FBLN7: variants seen among roughly 807,000 people sequenced by gnomAD.
FBLN7 encodes fibulin-7.
A neutral mutation model predicts 44.0 loss-of-function variants in FBLN7; 31 were observed. The ratio of observed to expected loss-of-function variants is 0.70; its 90% CI spans 0.53 to 0.95. FBLN7 has a LOEUF of 0.95. Among genes scored for constraint, FBLN7 ranks in the 40% least tolerant of loss-of-function variants. The probability of loss-of-function intolerance (pLI) is 0.00; values close to 1 mark genes in which losing one functional copy is unlikely to be tolerated. For synonymous variants in FBLN7, 262 were observed against 253.4 expected (o/e 1.03, Z -0.32); for missense variants, 573 against 618.5 (o/e 0.93, Z 0.78).
At chr2:112,226,458 G>A in the FBLN7 span, among the ~76,000 whole-genome samples, 1 of 151,606 alleles carries the variant, frequency 6.6e-6, no homozygotes, top group Non-Finnish European at 1.5e-5. Flanking sequence ...GTGAGGTGGC[G>A]GGTGCCTGTA....
the FBLN7 span, among the ~76,000 whole-genome samples, chr2:112,208,825 CCT>C: frequency 6.6e-6 from 1 of 152,138 alleles, no homozygotes; most frequent in Non-Finnish European, 1.5e-5. Context: ...ACTTCAAGTT[CCT>C]CTGACATTTG....
chr2:112,199,587 A>G, the FBLN7 span, among the ~76,000 whole-genome samples: 1 of 152,164 alleles, frequency 6.6e-6, no homozygotes, highest in African/African-American at 2.4e-5. Flanking sequence ...GGATCATCCT[A>G]TGACTTTCTC....
chr2:112,182,709 T>C (rs1352847555), intron 5 of FBLN7, 82 bp from the exon 6 acceptor site: 1 of 1,488,532 alleles, frequency 6.7e-7, no homozygotes, highest in Non-Finnish European at 8.9e-7. Flanking sequence ...CCTCCAGGAA[T>C]TGAAGCATGA....
the FBLN7 span, chr2:112,230,907 T>G: frequency 7.8e-7 from 1 of 1,288,358 alleles, no homozygotes; most frequent in East Asian, 3.7e-5. Context: ...TTTTACCTTT[T>G]TATGTCTATT....
chr2:112,191,586 T>C (rs1023074590), downstream of FBLN7, among the ~76,000 whole-genome samples: 4 of 152,184 alleles, frequency 2.6e-5, no homozygotes, highest in African/African-American at 4.8e-5. Flanking sequence ...AAAAAATTCT[T>C]ATAAGAACAA....
chr2:112,157,702 C>A (rs1382567390), intron 1 of FBLN7, among the ~76,000 whole-genome samples: 1 of 152,204 alleles, frequency 6.6e-6, no homozygotes, highest in Non-Finnish European at 1.5e-5. Flanking sequence ...TGACTCACTG[C>A]AGCCTCAACC....
chr2:112,197,274 C>CACACACACACACACAGAG, the FBLN7 span, among the ~76,000 whole-genome samples: 16 of 98,652 alleles, frequency 1.6e-4, no homozygotes, highest in Middle Eastern at 6.0e-3. Context: ...CACACACACA[C>CACACACACACACACAGAG]AGAGAGAGAG....
At chr2:112,160,389 C>CA (rs1276872850) in intron 2 of FBLN7, among the ~76,000 whole-genome samples, 1 of 152,162 alleles carries the variant, frequency 6.6e-6, no homozygotes, top group Non-Finnish European at 1.5e-5. Flanking sequence ...GCCTCAATGT[C>CA]ACCCCTTTTC....
chr2:112,164,270 G>T (rs1379207971), intron 2 of FBLN7, among the ~76,000 whole-genome samples: 1 of 152,194 alleles, frequency 6.6e-6, no homozygotes, highest in African/African-American at 2.4e-5. Context: ...ATTTGTTCAA[G>T]AATGATTTAT....
rs747787624 is a variant in FBLN7 at position 112,187,448 on chromosome 2, C to T, written c.1262C>T (p.Ser421Phe). 6.2e-7 allele frequency: 1 copy of T among 1,614,210 alleles called. No individual in the cohort carries two copies. The highest frequency in any genetic ancestry group is 1.1e-5 in the South Asian group (1 of 91,088). ...GACATGTCGGAATACCTGGACCGCTCCTTCCAGGCCAACCACGTGTCCAAG... is the reference window on the plus strand; with the variant it reads ...GACATGTCGGAATACCTGGACCGCTTCTTCCAGGCCAACCACGTGTCCAAG... ...DVDMSEYLDR[S>F]FQANHVSKVT... The change falls in exon 8 of 8, where the codon TCC (serine) becomes TTC (phenylalanine). Residue 421 changes from serine to phenylalanine, a missense_variant. By Grantham distance (155) the Ser-to-Phe change is radical (BLOSUM62 -2). Coordinates refer to ENST00000331203, the MANE Select transcript of FBLN7 (RefSeq NM_153214.3). The surrounding 1 kb of genome is among the most constrained non-coding windows in gnomAD (Gnocchi z 5.1).
the FBLN7 span, among the ~76,000 whole-genome samples, chr2:112,217,214 GA>G: frequency 1.3e-5 from 2 of 151,872 alleles, no homozygotes; most frequent in South Asian, 2.1e-4. Context: ...ACCAAAAATA[GA>G]AAAAAATTAG....
chr2:112,200,056 C>T, the FBLN7 span, among the ~76,000 whole-genome samples: 2 of 152,134 alleles, frequency 1.3e-5, no homozygotes, highest in African/African-American at 2.4e-5. Context: ...GACAAAGACA[C>T]CCCCCATATG....
chr2:112,193,676 G>A, the FBLN7 span, among the ~76,000 whole-genome samples: 1 of 152,112 alleles, frequency 6.6e-6, no homozygotes, highest in Admixed American at 6.6e-5. Flanking sequence ...TATCATCCAC[G>A]TCACTTGGGT....
At chr2:112,207,656 T>C in the FBLN7 span, among the ~76,000 whole-genome samples, 2 of 152,194 alleles carry the variant, frequency 1.3e-5, no homozygotes, top group Non-Finnish European at 2.9e-5. Context: ...CTATTTCTTG[T>C]CTCAGTTCTG....
intron 4 of FBLN7, chr2:112,177,326 G>T: frequency 6.6e-6 from 1 of 152,360 alleles, no homozygotes. Context: ...TGGGAAGGAG[G>T]GGAAGCAAGC....
At chr2:112,163,681 C>G (rs561524174) in intron 2 of FBLN7, among the ~76,000 whole-genome samples, 1 of 151,184 alleles carries the variant, frequency 6.6e-6, no homozygotes, top group African/African-American at 2.4e-5. Flanking sequence ...TCCTCTTGTA[C>G]GGGCACTTCA....
downstream of FBLN7, among the ~76,000 whole-genome samples, chr2:112,192,859 C>G (rs1037649967): frequency 2.6e-5 from 4 of 152,198 alleles, no homozygotes; most frequent in African/African-American, 7.2e-5. Flanking sequence ...GCGTTCCAGG[C>G]ACTGTTCTAC....
At chr2:112,228,476 TG>T in the FBLN7 span, among the ~76,000 whole-genome samples, 2 of 149,206 alleles carry the variant, frequency 1.3e-5, no homozygotes, top group Non-Finnish European at 3.0e-5. Flanking sequence ...CACTCCAGTC[TG>T]GCAACAGAGT....
intron 1 of FBLN7, among the ~76,000 whole-genome samples, chr2:112,154,652 C>A (rs979598530): frequency 6.6e-6 from 1 of 152,206 alleles, no homozygotes; most frequent in Non-Finnish European, 1.5e-5. Context: ...CCTTGAGGGT[C>A]CGGCCGGCTT....
Sources: allele counts gnomAD v4.1 joint callset (sites outside exome capture counted in the v4.1 genomes callset), GRCh38; gene constraint gnomAD v4.1.1; non-coding constraint Gnocchi (gnomAD v3.1); transcripts MANE v1.5; gene names NCBI Gene and HGNC (gene_info 2026-07-23, HGNC 2026-07-21).